Variants in LIMS1 observed in about 807,000 individuals in gnomAD.
LIMS1 encodes LIM and senescent cell antigen-like-containing domain protein 1.
A neutral mutation model predicts 44.1 loss-of-function variants in LIMS1; 18 were observed. That is an observed-to-expected ratio of 0.41 (90% CI 0.28 to 0.61). The LOEUF (loss-of-function observed/expected upper bound fraction) is 0.61, where lower values mean the gene tolerates loss of function less well. LIMS1 is among the 20% of genes least tolerant of loss of function. The pLI is 0.32. For synonymous variants in LIMS1, 93 were observed against 149.1 expected (o/e 0.62, Z 2.74); for missense variants, 201 against 422.0 (o/e 0.48, Z 4.59).
At chr2:108,682,949 C>G (rs1339253558) in intron 9 of LIMS1, among the ~76,000 whole-genome samples, 1 of 152,194 alleles carries the variant, frequency 6.6e-6, no homozygotes, top group African/African-American at 2.4e-5. Flanking sequence ...TAATAAGCTC[C>G]TGTAATTACC....
chr2:108,674,883 C>G (rs1209153710), intron 5 of LIMS1, among the ~76,000 whole-genome samples: 2 of 150,828 alleles, frequency 1.3e-5, no homozygotes, highest in Admixed American at 1.3e-4. Flanking sequence ...AGCATCTCTC[C>G]TAGAGAATTA....
chr2:108,642,808 C>T (rs1689794542), intron 1 of LIMS1, among the ~76,000 whole-genome samples: 1 of 152,150 alleles, frequency 6.6e-6, no homozygotes, highest in African/African-American at 2.4e-5. Flanking sequence ...TTGGCCATGG[C>T]TTATGTCAGA....
chr2:108,618,017 A>G (rs988506227), intron 1 of LIMS1, among the ~76,000 whole-genome samples: 3 of 152,186 alleles, frequency 2.0e-5, no homozygotes, highest in Non-Finnish European at 4.4e-5. Flanking sequence ...TGTGGGGGAA[A>G]GCCCCAGGAG....
chr2:108,554,383 G>C (rs920264), intron 1 of LIMS1, among the ~76,000 whole-genome samples: 101,267 of 152,002 alleles, frequency 0.67, 34,425 homozygotes, highest in East Asian at 0.96. Flanking sequence ...TTCCCGAGGA[G>C]TGGTCACCTT....
At chr2:108,577,641 T>TTTTTACATTCTTAAAATGTA (rs1323519538) in intron 1 of LIMS1, among the ~76,000 whole-genome samples, 3 of 152,224 alleles carry the variant, frequency 2.0e-5, no homozygotes, top group African/African-American at 7.2e-5. Context: ...TAACTAAATG[T>TTTTTACATTCTTAAAATGTA]TTTTACATTC....
Position 108,593,294 on chromosome 2 carries a change from T to C in LIMS1, c.32+58700T>C, listed in dbSNP as rs1053598367. The stretch of plus-strand genomic sequence containing the variant: ...AAGCCTCCCACTGTGTGACTTCTAC[T>C]GTGAAAAAAGCCATTCTTCTCTTTC... On this transcript the variant is annotated intron_variant, in intron 1 of 9. Coordinates refer to ENST00000544547, the Ensembl canonical transcript of LIMS1. 6.6e-5 allele frequency among the ~76,000 whole-genome samples: 10 copies of C among 152,206 alleles called. 1 individual carries two copies. In the East Asian group the frequency reaches 1.9e-3, roughly 29 times the overall value.
At chr2:108,645,044 G>A (rs1012487649) in intron 1 of LIMS1, among the ~76,000 whole-genome samples, 4 of 152,072 alleles carry the variant, frequency 2.6e-5, no homozygotes, top group Non-Finnish European at 2.9e-5. Context: ...TGAAAGTGAC[G>A]GGGAGAATGG....
At chr2:108,560,396 G>T (rs6736249) in intron 1 of LIMS1, among the ~76,000 whole-genome samples, 2,577 of 152,122 alleles carry the variant, frequency 0.017, 37 homozygotes, top group Non-Finnish European at 0.025. Context: ...GCTGCCCTCT[G>T]ATCTCATCTC....
At chr2:108,591,126 G>A (rs1487836273) in intron 1 of LIMS1, among the ~76,000 whole-genome samples, 3 of 152,154 alleles carry the variant, frequency 2.0e-5, no homozygotes, top group African/African-American at 7.2e-5. Context: ...ACAGTGTAGA[G>A]AATGGATTAG....
intron 1 of LIMS1, among the ~76,000 whole-genome samples, chr2:108,603,894 G>A (rs1022664986): frequency 1.3e-5 from 2 of 151,732 alleles, no homozygotes; most frequent in African/African-American, 2.4e-5. Flanking sequence ...GTTTGCTCTT[G>A]CCTTTCTAGT....
chr2:108,683,618 T>C (rs1441412565), intron 9 of LIMS1, among the ~76,000 whole-genome samples: 1 of 151,896 alleles, frequency 6.6e-6, no homozygotes, highest in Non-Finnish European at 1.5e-5. Context: ...TACTTAGTAC[T>C]GAATAAAATG....
At chr2:108,548,451 G>A (rs1178480087) in intron 1 of LIMS1, among the ~76,000 whole-genome samples, 2 of 152,162 alleles carry the variant, frequency 1.3e-5, no homozygotes, top group Non-Finnish European at 2.9e-5. Flanking sequence ...TGAGCATGTG[G>A]TATATACTGT....
At chr2:108,671,969 C>T (rs1692189636) in intron 3 of LIMS1, among the ~76,000 whole-genome samples, 3 of 152,044 alleles carry the variant, frequency 2.0e-5, no homozygotes, top group Admixed American at 1.3e-4. Context: ...CACCTGAGGT[C>T]GGGAATTCGA....
intron 9 of LIMS1, chr2:108,681,012 T>G (rs1692956622): frequency 7.9e-7 from 1 of 1,271,746 alleles, no homozygotes; most frequent in African/African-American, 1.6e-5. Flanking sequence ...CTGCAAACAC[T>G]GTTATGAGAA....
intron 1 of LIMS1, among the ~76,000 whole-genome samples, chr2:108,623,826 A>G (rs1389015779): frequency 6.6e-6 from 1 of 152,250 alleles, no homozygotes; most frequent in Admixed American, 6.5e-5. Flanking sequence ...AGAGACTAAA[A>G]TTGGCCATGG....
Position 108,631,630 on chromosome 2 carries a change from C to T in LIMS1, c.33-27975C>T, listed in dbSNP as rs114846910. 4.6e-3 allele frequency among the ~76,000 whole-genome samples: 691 copies of T among 151,482 alleles called. 5 individuals carry two copies. Among genetic ancestry groups the T allele is most frequent in the African/African-American group, 0.016 (662 of 41,272 alleles). ...AGCCTCCTTTGAGACCTTTGAATGG[C>T]TCCTGATTACTACTTTACTTACTGT... On this transcript the variant is annotated intron_variant, in intron 1 of 9. Transcript: ENST00000544547.
intron 1 of LIMS1, among the ~76,000 whole-genome samples, chr2:108,617,800 C>T (rs1204085035): frequency 4.6e-5 from 7 of 152,192 alleles, no homozygotes; most frequent in Admixed American, 2.6e-4. Context: ...TGAGAGGAAG[C>T]ACAGTCTGTC....
At chr2:108,611,493 G>A (rs921749376) in intron 1 of LIMS1, among the ~76,000 whole-genome samples, 4 of 152,028 alleles carry the variant, frequency 2.6e-5, no homozygotes, top group Admixed American at 1.3e-4. Flanking sequence ...GTTCTATATA[G>A]TGGTCTCATT....
chr2:108,553,767 C>CT (rs1684835431), intron 1 of LIMS1, among the ~76,000 whole-genome samples: 1 of 152,174 alleles, frequency 6.6e-6, no homozygotes. Flanking sequence ...TGTGATGACT[C>CT]TGTTGGACAT....
Sources: gnomAD v4.1 joint callset for allele counts (sites outside exome capture counted in the v4.1 genomes callset) on GRCh38, gnomAD v4.1.1 for gene constraint, MANE v1.5 for transcripts, NCBI Gene and HGNC (gene_info 2026-07-23, HGNC 2026-07-21) for gene names.